ANK3: variants seen among roughly 807,000 people sequenced by gnomAD.
The protein encoded by ANK3 is ankyrin 3, also known as ankyrin-3.
Under a neutral mutation model 370.9 loss-of-function variants are expected in ANK3, and 57 were observed. That is an observed-to-expected ratio of 0.15 (90% CI 0.12 to 0.19). The LOEUF (loss-of-function observed/expected upper bound fraction) is 0.19. ANK3 is among the 10% of genes least tolerant of loss of function. The probability of loss-of-function intolerance (pLI) is 1.00; values close to 1 mark genes in which losing one functional copy is unlikely to be tolerated. For missense variants in ANK3, 4,439 were observed against 5,302.1 expected (o/e 0.84, Z 5.06); for synonymous variants, 1,929 against 1,946.3 (o/e 0.99, Z 0.23).
intron 1 of ANK3, among the ~76,000 whole-genome samples, chr10:60,362,121 A>T (rs1368831032): frequency 2.0e-5 from 3 of 151,288 alleles, no homozygotes; most frequent in Admixed American, 2.0e-4. Context: ...TACTCTCAGG[A>T]TGTCCTATGT....
intron 17 of ANK3, 108 bp from the exon 18 acceptor site, chr10:60,181,535 T>C: frequency 9.5e-7 from 1 of 1,056,330 alleles, no homozygotes; most frequent in Middle Eastern, 2.1e-4. Flanking sequence ...CGAGAATTTC[T>C]ATGTTAGAAA....
At chr10:60,435,085 G>T (rs753299990) in intron 2 of ANK3, among the ~76,000 whole-genome samples, 18 of 152,256 alleles carry the variant, frequency 1.2e-4, no homozygotes, top group Non-Finnish European at 2.6e-4. Context: ...TGAGAACGGT[G>T]TTACTTTAAC....
At chr10:60,039,264 C>T (rs1005297307) in intron 43 of ANK3, among the ~76,000 whole-genome samples, 2 of 152,228 alleles carry the variant, frequency 1.3e-5, no homozygotes, top group Non-Finnish European at 2.9e-5. Flanking sequence ...TCTTGGCTTA[C>T]ACATGGCTGT....
chr10:60,366,481 G>T (rs2059403637), intron 1 of ANK3, among the ~76,000 whole-genome samples: 1 of 152,150 alleles, frequency 6.6e-6, no homozygotes, highest in Non-Finnish European at 1.5e-5. Context: ...ATACAATCTG[G>T]TTAGGCTTAG....
chr10:60,692,832 A>G (rs1480949331), intron 1 of ANK3, among the ~76,000 whole-genome samples: 1 of 152,274 alleles, frequency 6.6e-6, no homozygotes, highest in Non-Finnish European at 1.5e-5. Context: ...GTGATTTTTG[A>G]TAACAGATTG....
At chr10:60,263,205 A>G (rs1205773115) in intron 6 of ANK3, among the ~76,000 whole-genome samples, 6 of 152,170 alleles carry the variant, frequency 3.9e-5, no homozygotes, top group South Asian at 2.1e-4. Context: ...TTAGTTCACT[A>G]TTGGTGATAT....
At chr10:60,465,968 G>T (rs2065003824) in intron 2 of ANK3, among the ~76,000 whole-genome samples, 1 of 151,776 alleles carries the variant, frequency 6.6e-6, no homozygotes. Context: ...TTTTATAGAG[G>T]CATTAAGTAA....
At chr10:60,252,646 T>C (rs556329279) in intron 7 of ANK3, among the ~76,000 whole-genome samples, 34 of 152,350 alleles carry the variant, frequency 2.2e-4, no homozygotes, top group African/African-American at 7.7e-4. Flanking sequence ...TTTCTTTTAT[T>C]GGCTCTCTTA....
chr10:60,442,254 C>A (rs1318609219), intron 2 of ANK3, among the ~76,000 whole-genome samples: 1 of 151,902 alleles, frequency 6.6e-6, no homozygotes, highest in Non-Finnish European at 1.5e-5. Context: ...CGCCACCACG[C>A]CTGGCTAATT....
chr10:60,723,402 A>T (rs2079892928), intron 1 of ANK3, among the ~76,000 whole-genome samples: 1 of 152,252 alleles, frequency 6.6e-6, no homozygotes, highest in African/African-American at 2.4e-5. Context: ...GCACATTTAG[A>T]CAACAAAGTG....
In ANK3 at chr10:60,095,713, G is replaced by GA. The variant is rs2089984816; in HGVS notation, c.3329-7356dup. ...TATTTTTATTAAAAAAAATGCATGT[G>GA]AAAAAGTGGTTCTAATCTTCCTACT... is the stretch of plus-strand genomic sequence containing the variant. On this transcript the variant is annotated intron_variant, in intron 28 of 43. Transcript: ENST00000280772. Among the ~76,000 whole-genome samples the GA allele has an allele frequency of 4.6e-5, 7 of 152,242 alleles. No homozygotes were observed. In the South Asian group the frequency reaches 1.5e-3, roughly 32 times the overall value.
chr10:60,209,650 G>A (rs1414544210), intron 9 of ANK3, among the ~76,000 whole-genome samples: 2 of 152,160 alleles, frequency 1.3e-5, no homozygotes, highest in South Asian at 2.1e-4. Flanking sequence ...AGAAATTAAG[G>A]TGCAGGAAAA....
chr10:60,219,166 G>A (rs983536054), intron 8 of ANK3, among the ~76,000 whole-genome samples: 2 of 151,906 alleles, frequency 1.3e-5, no homozygotes, highest in African/African-American at 4.8e-5. Flanking sequence ...GGTTATTCTA[G>A]TTAGCAATTC....
chr10:60,677,784 CAA>C (rs752482255), intron 1 of ANK3, among the ~76,000 whole-genome samples: 15 of 99,274 alleles, frequency 1.5e-4, no homozygotes, highest in African/African-American at 3.7e-4. Flanking sequence ...CTCAACTACC[CAA>C]AAAAAAAAAA....
intron 1 of ANK3, among the ~76,000 whole-genome samples, chr10:60,330,933 G>A (rs556161510): frequency 1.3e-5 from 2 of 152,286 alleles, no homozygotes; most frequent in African/African-American, 2.4e-5. Context: ...ATACTGTGCA[G>A]CCATAAAAAA....
chr10:60,543,094 C>T (rs537574945), intron 2 of ANK3, among the ~76,000 whole-genome samples: 5 of 151,938 alleles, frequency 3.3e-5, no homozygotes, highest in South Asian at 2.1e-4. Flanking sequence ...AAGAAACACA[C>T]ATTTTAACTA....
chr10:60,286,242 T>C (rs2098243629), intron 1 of ANK3, among the ~76,000 whole-genome samples: 2 of 152,148 alleles, frequency 1.3e-5, no homozygotes, highest in South Asian at 4.1e-4. Flanking sequence ...TGCCTTTCTT[T>C]ATAGTTTTAA....
chr10:60,642,861 G>A (rs1228874380), intron 1 of ANK3, among the ~76,000 whole-genome samples: 4 of 152,108 alleles, frequency 2.6e-5, no homozygotes, highest in Admixed American at 2.0e-4. Context: ...CAATGTGCAT[G>A]TGTCCAATAA....
Position 60,072,266 on chromosome 10 carries a change from T to C in ANK3, c.8615A>G (p.His2872Arg), listed in dbSNP as rs2082860095. ...CTCTCTTACATCATGAACAAGTACATGCGAAAGTTTTTCTTTCTGAGACTT... is the reference window on the plus strand; with the variant it reads ...CTCTCTTACATCATGAACAAGTACACGCGAAAGTTTTTCTTTCTGAGACTT... The part of the protein sequence containing the change: ...NNKSQKEKLS[H>R]VLVHDVRENH... Residue 2872 changes from histidine (H) to arginine (R), a missense_variant, in exon 37 of 44, where the codon CAT becomes CGT. By Grantham distance (29) the His-to-Arg change is conservative. Coordinates refer to ENST00000280772, the MANE Select transcript of ANK3 (RefSeq NM_020987.5). 1 of 1,614,112 alleles carries C rather than the reference T, an allele frequency of 6.2e-7. No homozygotes were observed. The highest frequency in any genetic ancestry group is 8.5e-7 in the Non-Finnish European group (1 of 1,180,010).
Sources: gnomAD v4.1 joint callset for allele counts (sites outside exome capture counted in the v4.1 genomes callset) on GRCh38, gnomAD v4.1.1 for gene constraint, MANE v1.5 for transcripts, NCBI Gene and HGNC (gene_info 2026-07-23, HGNC 2026-07-21) for gene names.